Variants in PCDHA3 observed in about 807,000 individuals in gnomAD.
The protein encoded by PCDHA3 is protocadherin alpha-3.
Under a neutral mutation model 62.2 loss-of-function variants are expected in PCDHA3, and 41 were observed. The ratio of observed to expected loss-of-function variants is 0.66; its 90% CI spans 0.51 to 0.86. The LOEUF (loss-of-function observed/expected upper bound fraction) is 0.86. PCDHA3 is among the 40% of genes least tolerant of loss of function. The pLI, the probability that PCDHA3 is intolerant of heterozygous loss-of-function variation, is 0.00. For missense variants in PCDHA3, 1,304 were observed against 1,241.2 expected (o/e 1.05, Z -0.76); for synonymous variants, 640 against 555.4 (o/e 1.15, Z -2.14).
Position 140,883,366 on chromosome 5 carries a change from C to A in PCDHA3, c.2394+79775C>A, listed in dbSNP as rs34923516. 1.2e-5 allele frequency: 19 copies of A among 1,614,056 alleles called. No individual in the cohort carries two copies. In the African/African-American group the frequency reaches 2.4e-4, roughly 20 times the overall value. On this transcript the variant is annotated intron_variant, in intron 1 of 3. Transcript: ENST00000522353. ...CCATCAGAGAAGACACTCAGCCTAGCGCCATTATTGCCCTAATCAGTGTGT... is the reference window on the plus strand; with the variant it reads ...CCATCAGAGAAGACACTCAGCCTAGAGCCATTATTGCCCTAATCAGTGTGT...
rs1383347742 is a variant in PCDHA3, at chr5:140,943,271, AAAAAAAG to A, written c.2395-35674_2395-35668del. ...AGACTCTGTCTCAAAAAAAAAAAAA[AAAAAAAG>A]AAAGAAAGAATTAAATTTTGGGAAG... On this transcript the variant is annotated intron_variant, in intron 1 of 3. Transcript: ENST00000522353. Among the ~76,000 whole-genome samples, 73 of 150,734 alleles carry A rather than the reference AAAAAAAG, an allele frequency of 4.8e-4. 1 individual carries two copies. The highest frequency in any genetic ancestry group is 1.6e-3 in the African/African-American group (65 of 40,848).
intron 1 of PCDHA3, chr5:140,850,343 C>G (rs1554144214): frequency 1.9e-6 from 3 of 1,597,676 alleles, no homozygotes; most frequent in Non-Finnish European, 2.6e-6. Context: ...CAGAAACGGC[C>G]AGCGCGAGCA....
intron 1 of PCDHA3, among the ~76,000 whole-genome samples, chr5:140,872,251 T>C (rs557937835): frequency 3.3e-5 from 5 of 152,196 alleles, no homozygotes; most frequent in Non-Finnish European, 7.3e-5. Flanking sequence ...CCTGTGATAA[T>C]ACTTGTTTTC....
chr5:140,836,207 G>C (rs1227998553), intron 1 of PCDHA3: 74 of 1,613,726 alleles, frequency 4.6e-5, no homozygotes, highest in Non-Finnish European at 5.7e-5. Flanking sequence ...CGTGGCTTTC[G>C]TATGAGTTGC....
At chr5:141,001,509 G>A (rs1025738776) in intron 3 of PCDHA3, among the ~76,000 whole-genome samples, 3 of 152,212 alleles carry the variant, frequency 2.0e-5, no homozygotes, top group Non-Finnish European at 4.4e-5. Context: ...GGTGGGCTTA[G>A]CTTTCTCCCT....
At chr5:140,855,892 G>C in intron 1 of PCDHA3, 2 of 1,011,396 alleles carry the variant, frequency 2.0e-6, no homozygotes, top group Non-Finnish European at 2.9e-6. Context: ...TAGAACAAAG[G>C]CATCAGCCAG....
rs2097783097 is a variant in PCDHA3, at chr5:140,997,727, C to T, written c.2543-11900C>T. Reference sequence around the variant, plus strand: ...TAACAAACACCTTTCTACGTCAGTACATATAGATTTGCCACAATCTTCTTG... The same window carrying T: ...TAACAAACACCTTTCTACGTCAGTATATATAGATTTGCCACAATCTTCTTG... On this transcript the variant is annotated intron_variant, in intron 3 of 3. Coordinates refer to ENST00000522353, the MANE Select transcript of PCDHA3 (RefSeq NM_018906.3). Among the ~76,000 whole-genome samples the T allele has an allele frequency of 2.0e-5, 3 of 151,244 alleles. No individual in the cohort carries two copies. In the South Asian group the frequency reaches 6.3e-4, roughly 32 times the overall value.
At position 141,010,080 on chromosome 5, in the gene PCDHA3, G is replaced by C. The variant is rs2098415967; in HGVS notation, c.*143G>C. On this transcript the variant is annotated 3_prime_UTR_variant, in exon 4 of 4. Transcript: ENST00000522353. The stretch of plus-strand genomic sequence containing the variant: ...AATCTGCAGAAAGTTCCCTGTGTCT[G>C]TCTAGAACGCATTTAACAGGTTTTG... 1 of 1,611,462 alleles carries C rather than the reference G, an allele frequency of 6.2e-7. No homozygotes were observed. The highest frequency in any genetic ancestry group is 1.1e-5 in the South Asian group (1 of 90,590).
chr5:140,801,270 G>A lies in PCDHA3; in HGVS notation c.73G>A (p.Glu25Lys), dbSNP rs781968055. The change falls in exon 1 of 4, where the codon GAG becomes AAG. Residue 25 changes from glutamate to lysine, a missense_variant. Transcript: ENST00000522353. The stretch of plus-strand genomic sequence containing the variant: ...TTCTCTTCTGCTCCTCGCAGCCTCG[G>A]AGGTGGGGAGCGGCCAGCTCCACTA... ...LLSLLLLAASEVGSGQLHYSV... is the reference protein window; with the variant it reads ...LLSLLLLAASKVGSGQLHYSV... 2.4e-5 allele frequency: 39 copies of A among 1,613,590 alleles called. No individual in the cohort carries two copies. Among genetic ancestry groups the A allele is most frequent in the Non-Finnish European group, 2.7e-5 (32 of 1,179,902 alleles).
Position 140,838,414 on chromosome 5 carries a change from G to A in PCDHA3, c.2394+34823G>A, listed in dbSNP as rs2150289048. 3.3e-5 allele frequency among the ~76,000 whole-genome samples: 5 copies of A among 151,096 alleles called. No homozygotes were observed. The South Asian group carries it at 6.3e-4, about 19-fold the overall frequency. On this transcript the variant is annotated intron_variant, in intron 1 of 3. Coordinates refer to ENST00000522353, the MANE Select transcript of PCDHA3 (RefSeq NM_018906.3). ...GCTGGGATTACAGGAGTGAGCCACC[G>A]CATCCGGCCTAAATTATATATTGGG...
At chr5:140,904,725 C>A (rs1554191671) in intron 1 of PCDHA3, among the ~76,000 whole-genome samples, 1 of 152,050 alleles carries the variant, frequency 6.6e-6, no homozygotes, top group Non-Finnish European at 1.5e-5. Context: ...TGGCCAACAT[C>A]TATTATTTTT....
At chr5:140,884,504 G>C in intron 1 of PCDHA3, 2 of 1,614,180 alleles carry the variant, frequency 1.2e-6, no homozygotes, top group South Asian at 2.2e-5. Flanking sequence ...CAGCGCGGCA[G>C]GGAGTTGGTC....
chr5:140,941,475 C>T (rs1554214513), intron 1 of PCDHA3, among the ~76,000 whole-genome samples: 1 of 151,578 alleles, frequency 6.6e-6, no homozygotes, highest in Non-Finnish European at 1.5e-5. Context: ...ACCACCACGC[C>T]TGGCTAATTT....
intron 3 of PCDHA3, among the ~76,000 whole-genome samples, chr5:141,006,898 C>A (rs2098293427): frequency 6.6e-6 from 1 of 152,152 alleles, no homozygotes; most frequent in East Asian, 1.9e-4. Context: ...TTTCAGATTT[C>A]TTCAGTTTGG....
At chr5:140,882,814 A>T in intron 1 of PCDHA3, 1 of 1,614,248 alleles carries the variant, frequency 6.2e-7, no homozygotes, top group East Asian at 2.2e-5. Context: ...CTTTGGACGC[A>T]CAAAACAGTC....
intron 1 of PCDHA3, among the ~76,000 whole-genome samples, chr5:140,819,907 C>T (rs1766650524): frequency 6.6e-6 from 1 of 151,892 alleles, no homozygotes; most frequent in African/African-American, 2.4e-5. Flanking sequence ...TTACAATGTA[C>T]ACATTGTTAA....
At chr5:140,884,954 T>C (rs2060416589) in intron 1 of PCDHA3, among the ~76,000 whole-genome samples, 1 of 152,208 alleles carries the variant, frequency 6.6e-6, no homozygotes, top group Non-Finnish European at 1.5e-5. Context: ...TTACAAAAAA[T>C]TCCTCACGTT....
intron 3 of PCDHA3, among the ~76,000 whole-genome samples, chr5:140,989,551 C>A (rs964653534): frequency 1.3e-5 from 2 of 152,178 alleles, no homozygotes; most frequent in Non-Finnish European, 2.9e-5. Context: ...AATTCCTTTA[C>A]GTTTTGTGGC....
chr5:140,846,625 C>A (rs567549209), intron 1 of PCDHA3, among the ~76,000 whole-genome samples: 1 of 149,010 alleles, frequency 6.7e-6, no homozygotes, highest in Non-Finnish European at 1.5e-5. Flanking sequence ...CCGCCCACTT[C>A]GGCCTCCTAA....
Sources: allele counts gnomAD v4.1 joint callset (sites outside exome capture counted in the v4.1 genomes callset), GRCh38; gene constraint gnomAD v4.1.1; transcripts MANE v1.5; gene names NCBI Gene and HGNC (gene_info 2026-07-23, HGNC 2026-07-21).